TMEM132B: variants seen among roughly 807,000 people sequenced by gnomAD.
The protein encoded by TMEM132B is transmembrane protein 132B.
Under a neutral mutation model 90.8 loss-of-function variants are expected in TMEM132B, and 18 were observed. That is an observed-to-expected ratio of 0.20 (90% CI 0.14 to 0.29). The LOEUF (loss-of-function observed/expected upper bound fraction) is 0.29. Ranked by LOEUF, TMEM132B falls within the 10% of genes least tolerant of loss-of-function variation. TMEM132B has a pLI of 1.00. For missense variants in TMEM132B, 1,096 were observed against 1,326.8 expected (o/e 0.83, Z 2.70); for synonymous variants, 504 against 523.3 (o/e 0.96, Z 0.50).
At chr12:125,281,283 C>A (rs1375518666) in intron 1 of TMEM132B, among the ~76,000 whole-genome samples, 1 of 152,142 alleles carries the variant, frequency 6.6e-6, no homozygotes, top group Non-Finnish European at 1.5e-5. Flanking sequence ...GATTGAGGAA[C>A]CTGTGTTTTG....
intron 1 of TMEM132B, among the ~76,000 whole-genome samples, chr12:125,280,363 TA>T (rs896986145): frequency 3.3e-5 from 5 of 152,248 alleles, no homozygotes; most frequent in East Asian, 1.9e-4. Context: ...ATGTGACAAT[TA>T]AAAAAATAAA....
chr12:125,589,374 C>G (rs112621092), intron 5 of TMEM132B, among the ~76,000 whole-genome samples: 1,782 of 149,684 alleles, frequency 0.012, 35 homozygotes, highest in African/African-American at 0.04. Flanking sequence ...CCCAGCTACT[C>G]GGGAGGCTGA....
rs530870189 is a variant in TMEM132B at position 125,378,811 on chromosome 12, C to T, written c.959+28468C>T. On this transcript the variant is annotated intron_variant, in intron 2 of 8. Transcript: ENST00000682704. ...CAATAAGGTGAAAGGGGCAAGTTGACAATGGCCAAAGAGCAGTGTGTGCTG... is the reference window on the plus strand; with the variant it reads ...CAATAAGGTGAAAGGGGCAAGTTGATAATGGCCAAAGAGCAGTGTGTGCTG... 1.6e-3 allele frequency among the ~76,000 whole-genome samples: 239 copies of T among 152,312 alleles called. 2 individuals carry two copies. The highest frequency in any genetic ancestry group is 5.4e-3 in the African/African-American group (226 of 41,560).
Position 125,246,496 on chromosome 12 carries a change from AT to A in TMEM132B, c.67+59632del, listed in dbSNP as rs1025453851. ...ACAGCGTGCCGGTGTTATGATTGTG[AT>A]TACTATTATTATTTGTGCAGTGGCA... On this transcript the variant is annotated intron_variant, in intron 1 of 8. Transcript: ENST00000682704. The surrounding 1 kb of genome is among the most constrained non-coding windows in gnomAD (Gnocchi z 4.2). 2.0e-5 allele frequency among the ~76,000 whole-genome samples: 3 copies of A among 152,092 alleles called. No homozygotes were observed. Among genetic ancestry groups the A allele is most frequent in the African/African-American group, 7.2e-5 (3 of 41,414 alleles).
rs1420966918 is a variant in TMEM132B, at chr12:125,445,931, C to T, written c.1106+30254C>T. Among the ~76,000 whole-genome samples, 1 of 151,704 alleles carries T rather than the reference C, an allele frequency of 6.6e-6. No individual in the cohort carries two copies. The highest frequency in any genetic ancestry group is 1.5e-5 in the Non-Finnish European group (1 of 67,898). On this transcript the variant is annotated intron_variant, in intron 3 of 8. Transcript: ENST00000682704. This position sits in a 1 kb window ranked among gnomAD's most constrained non-coding sequence, Gnocchi z 4.3. ...CCAGGATAGAGTTCCCTCCTTGCCT[C>T]GCAGGGAGACAGCTCTGGGGTGGGC... is the stretch of plus-strand genomic sequence containing the variant.
At chr12:125,442,701 G>A (rs898393971) in intron 3 of TMEM132B, among the ~76,000 whole-genome samples, 1 of 152,234 alleles carries the variant, frequency 6.6e-6, no homozygotes, top group Non-Finnish European at 1.5e-5. Context: ...GGACTCTACT[G>A]CCCTGAGCCA....
chr12:125,287,470 A>G (rs1875394151), intron 1 of TMEM132B, among the ~76,000 whole-genome samples: 1 of 152,180 alleles, frequency 6.6e-6, no homozygotes, highest in Non-Finnish European at 1.5e-5. Context: ...CTATTTTTAA[A>G]GGTACCATTT....
At chr12:125,551,471 TTAGTCTAGAAAATCTGTGAAACA>T in intron 4 of TMEM132B, among the ~76,000 whole-genome samples, 1 of 152,348 alleles carries the variant, frequency 6.6e-6, no homozygotes, top group African/African-American at 2.4e-5. Flanking sequence ...AATTTTTTTC[TTAGTCTAGAAAATCTGTGAAACA>T]TAGACAGTCA....
chr12:125,226,206 G>A (rs927636498), intron 1 of TMEM132B, among the ~76,000 whole-genome samples: 1 of 152,154 alleles, frequency 6.6e-6, no homozygotes, highest in Non-Finnish European at 1.5e-5. Flanking sequence ...ATTTGCATAC[G>A]ACAGAGTCAC....
At chr12:125,508,535 C>T (rs140205596) in intron 3 of TMEM132B, among the ~76,000 whole-genome samples, 2 of 152,228 alleles carry the variant, frequency 1.3e-5, no homozygotes, top group African/African-American at 4.8e-5. Context: ...TCCATGGCCA[C>T]CTGGGAAAAT....
chr12:125,390,136 C>T (rs1290549253), intron 2 of TMEM132B, among the ~76,000 whole-genome samples: 2 of 152,172 alleles, frequency 1.3e-5, no homozygotes, highest in Non-Finnish European at 1.5e-5. Flanking sequence ...CCACTCCTAG[C>T]TAAATATTCA....
At chr12:125,344,481 C>T (rs1877294283) in intron 1 of TMEM132B, among the ~76,000 whole-genome samples, 1 of 152,144 alleles carries the variant, frequency 6.6e-6, no homozygotes, top group Non-Finnish European at 1.5e-5. Flanking sequence ...GCATTAGAAC[C>T]TGCTACAGGA....
At position 125,653,559 on chromosome 12, in the gene TMEM132B, C is replaced by A; in HGVS notation, c.2107-6C>A. The A allele has an allele frequency of 1.3e-6, 2 of 1,596,190 alleles. No homozygotes were observed. Among genetic ancestry groups the A allele is most frequent in the South Asian group, 2.2e-5 (2 of 89,398 alleles). Reference sequence around the variant, plus strand: ...TAACATAATGCTTTGGTTTCATTTTCCTCAGGAAGCAATAGTAAGTTCTTG... The same window carrying A: ...TAACATAATGCTTTGGTTTCATTTTACTCAGGAAGCAATAGTAAGTTCTTG... On this transcript the variant is annotated splice_region_variant and splice_polypyrimidine_tract_variant and intron_variant, in intron 8 of 8. Transcript: ENST00000682704.
chr12:125,478,878 A>G (rs1369356993), intron 3 of TMEM132B, among the ~76,000 whole-genome samples: 1 of 152,264 alleles, frequency 6.6e-6, no homozygotes, highest in Non-Finnish European at 1.5e-5. Context: ...CGGGTTACCC[A>G]TAAAGGGAAG....
chr12:125,274,652 C>T (rs1030928987), intron 1 of TMEM132B, among the ~76,000 whole-genome samples: 1 of 152,242 alleles, frequency 6.6e-6, no homozygotes, highest in Non-Finnish European at 1.5e-5. Flanking sequence ...GAACAGGCTG[C>T]ATTCCCCAAT....
At chr12:125,229,301 T>C (rs1385765169) in intron 1 of TMEM132B, among the ~76,000 whole-genome samples, 2 of 152,220 alleles carry the variant, frequency 1.3e-5, no homozygotes, top group African/African-American at 4.8e-5. Flanking sequence ...ATCCAGGACT[T>C]GCTTTTGAAC....
chr12:125,278,838 T>C (rs1032879375), intron 1 of TMEM132B, among the ~76,000 whole-genome samples: 3 of 152,140 alleles, frequency 2.0e-5, no homozygotes, highest in Admixed American at 6.5e-5. Flanking sequence ...TTGCTCAAGG[T>C]GGTGAACCCT....
intron 3 of TMEM132B, among the ~76,000 whole-genome samples, chr12:125,432,379 A>ATGTATGTGTG (rs10649151): frequency 8.1e-5 from 4 of 49,618 alleles, no homozygotes; most frequent in Admixed American, 2.4e-4. Context: ...ATATATATAT[A>ATGTATGTGTG]TATATATATA....
intron 5 of TMEM132B, among the ~76,000 whole-genome samples, chr12:125,633,420 C>T (rs1886410995): frequency 6.6e-6 from 1 of 152,156 alleles, no homozygotes; most frequent in South Asian, 2.1e-4. Context: ...CAGGATTGGT[C>T]TCTTGTGCTT....
Sources: gnomAD v4.1 joint callset for allele counts (sites outside exome capture counted in the v4.1 genomes callset) on GRCh38, gnomAD v4.1.1 for gene constraint, Gnocchi (gnomAD v3.1) non-coding constraint, MANE v1.5 for transcripts, NCBI Gene and HGNC (gene_info 2026-07-23, HGNC 2026-07-21) for gene names.